The following FAT3 variants were observed in gnomAD, a reference collection of about 807,000 sequenced individuals.
FAT3 encodes FAT atypical cadherin 3.
In FAT3, 95 loss-of-function variants were observed where a neutral mutation model predicts 310.2. The ratio of observed to expected loss-of-function variants is 0.31; its 90% CI spans 0.26 to 0.36. The LOEUF (loss-of-function observed/expected upper bound fraction) is 0.36, where lower values mean the gene tolerates loss of function less well. FAT3 is among the 10% of genes least tolerant of loss of function. The pLI, the probability that FAT3 is intolerant of heterozygous loss-of-function variation, is 1.00. For synonymous variants in FAT3, 2,314 were observed against 2,192.9 expected (o/e 1.06, Z -1.54); for missense variants, 5,408 against 5,715.6 (o/e 0.95, Z 1.74).
At chr11:92,596,980 A>G (rs964862370) in intron 3 of FAT3, among the ~76,000 whole-genome samples, 12 of 151,930 alleles carry the variant, frequency 7.9e-5, no homozygotes, top group East Asian at 1.9e-4. Context: ...CCCTTTCATC[A>G]TCTCCACAGA....
At chr11:92,768,570 C>T (rs371648044) in intron 6 of FAT3, among the ~76,000 whole-genome samples, 2 of 152,156 alleles carry the variant, frequency 1.3e-5, no homozygotes, top group Admixed American at 6.5e-5. Flanking sequence ...GTTTTAGTCT[C>T]GCTCTCAAGA....
intron 4 of FAT3, among the ~76,000 whole-genome samples, chr11:92,702,499 C>T (rs1198156262): frequency 6.6e-6 from 1 of 152,142 alleles, no homozygotes; most frequent in Non-Finnish European, 1.5e-5. Context: ...AAACTTGCCT[C>T]ACAGATAAAC....
At chr11:92,364,924 A>G (rs1208468690) in intron 2 of FAT3, among the ~76,000 whole-genome samples, 2 of 152,200 alleles carry the variant, frequency 1.3e-5, no homozygotes, top group African/African-American at 4.8e-5. Flanking sequence ...AACAGATTGA[A>G]TATGAAATGT....
intron 1 of FAT3, among the ~76,000 whole-genome samples, chr11:92,237,949 C>T (rs1425535458): frequency 6.6e-6 from 1 of 152,050 alleles, no homozygotes; most frequent in Non-Finnish European, 1.5e-5. Context: ...CTTTATCATA[C>T]TCTTTGCATA....
chr11:92,450,437 A>G (rs1203424935), intron 2 of FAT3, among the ~76,000 whole-genome samples: 1 of 152,060 alleles, frequency 6.6e-6, no homozygotes, highest in Non-Finnish European at 1.5e-5. Flanking sequence ...GATTCCCATT[A>G]GGAGGCTTCT....
At position 92,801,734 on chromosome 11, in the gene FAT3, G is replaced by A. The variant is rs376453680; in HGVS notation, c.8721G>A (p.Thr2907=). The change falls in exon 10 of 28, where the codon ACG becomes ACA. Residue 2907 remains threonine, a synonymous_variant. Transcript: ENST00000525166. The part of the protein sequence containing the change: ...DLGEAFSLSS[T]ALVSVRVTDI... ...GAGAGGCATTCTCTCTTTCCTCCAC[G>A]GCCTTGGTCTCTGTCAGAGTGACAG... 6.7e-5 allele frequency: 108 copies of A among 1,613,734 alleles called. No homozygotes were observed. Among genetic ancestry groups the A allele is most frequent in the African/African-American group, 4.4e-4 (33 of 74,872 alleles).
intron 4 of FAT3, among the ~76,000 whole-genome samples, chr11:92,702,675 T>C (rs1256948403): frequency 1.3e-5 from 2 of 152,208 alleles, no homozygotes; most frequent in African/African-American, 4.8e-5. Flanking sequence ...ACTTCGATTA[T>C]TCTTGAAAGA....
At chr11:92,306,618 T>TA (rs1947131588) in intron 1 of FAT3, among the ~76,000 whole-genome samples, 1 of 124,790 alleles carries the variant, frequency 8.0e-6, no homozygotes, top group African/African-American at 3.0e-5. Flanking sequence ...ATATTATATA[T>TA]TTATATTATA....
At chr11:92,614,426 T>C (rs1940707219) in intron 3 of FAT3, among the ~76,000 whole-genome samples, 1 of 152,238 alleles carries the variant, frequency 6.6e-6, no homozygotes, top group Non-Finnish European at 1.5e-5. Context: ...TCTGTTTATT[T>C]TGATTCTAGC....
At position 92,883,396 on chromosome 11, in the gene FAT3, G is replaced by A. The variant is rs2136419044; in HGVS notation, c.12937+3G>A. On this transcript the variant is annotated splice_donor_region_variant and intron_variant, in intron 24 of 27. Transcript: ENST00000525166. This position sits in a 1 kb window ranked among gnomAD's most constrained non-coding sequence, Gnocchi z 4.2. Reference sequence around the variant, plus strand: ...TGGCTGGGACGCGGGAACTGAGAGTGAGTAGGAAGTGGTAATGCTCACCCC... The same window carrying A: ...TGGCTGGGACGCGGGAACTGAGAGTAAGTAGGAAGTGGTAATGCTCACCCC... 1 of 1,594,866 alleles carries A rather than the reference G, an allele frequency of 6.3e-7. No individual in the cohort carries two copies. Among genetic ancestry groups the A allele is most frequent in the Non-Finnish European group, 8.6e-7 (1 of 1,169,166 alleles).
intron 4 of FAT3, among the ~76,000 whole-genome samples, chr11:92,758,765 A>G (rs6483186): frequency 0.79 from 120,582 of 152,090 alleles, 48,069 homozygotes; most frequent in Admixed American, 0.83. Context: ...GGGCAGTGTG[A>G]CAGAAGAGTT....
intron 2 of FAT3, among the ~76,000 whole-genome samples, chr11:92,415,849 C>CT (rs1196695394): frequency 0.13 from 8,869 of 70,250 alleles, 874 homozygotes; most frequent in African/African-American, 0.21. Context: ...AGCATTTTTG[C>CT]TTTTTTTTTT....
At chr11:92,548,103 A>G (rs1954675133) in intron 3 of FAT3, among the ~76,000 whole-genome samples, 1 of 152,172 alleles carries the variant, frequency 6.6e-6, no homozygotes, top group Non-Finnish European at 1.5e-5. Context: ...GTATACGCAG[A>G]ACGATCCTGT....
intron 2 of FAT3, among the ~76,000 whole-genome samples, chr11:92,473,420 C>T (rs1951963743): frequency 6.6e-6 from 1 of 152,132 alleles, no homozygotes. Context: ...TTTAGCATTT[C>T]ATCTTTTTTC....
intron 3 of FAT3, among the ~76,000 whole-genome samples, chr11:92,693,149 A>T (rs1285667830): frequency 6.6e-6 from 1 of 152,130 alleles, no homozygotes; most frequent in Non-Finnish European, 1.5e-5. Flanking sequence ...TTCCAGCCAT[A>T]TGTCTCCCCC....
rs759897387 is a variant in FAT3 at position 92,801,092 on chromosome 11, T to G, written c.8079T>G (p.Pro2693=). The G allele has an allele frequency of 5.6e-6, 9 of 1,613,876 alleles. No homozygotes were observed. The highest frequency in any genetic ancestry group is 7.6e-6 in the Non-Finnish European group (9 of 1,179,886). Residue 2693 remains proline (P), a synonymous_variant, in exon 10 of 28, where the codon CCT becomes CCG. Coordinates refer to ENST00000525166, the MANE Select transcript of FAT3 (RefSeq NM_001367949.2). Reference sequence around the variant, plus strand: ...TCCCAGTAAAGCACTCCCTCATTCCTGTCTATATCCACGTCTTGCCCCCTG... The same window carrying G: ...TCCCAGTAAAGCACTCCCTCATTCCGGTCTATATCCACGTCTTGCCCCCTG... The part of the protein sequence containing the change: ...GGIPVKHSLI[P]VYIHVLPPET...
At chr11:92,829,535 G>A (rs1396443918) in intron 13 of FAT3, among the ~76,000 whole-genome samples, 1 of 152,128 alleles carries the variant, frequency 6.6e-6, no homozygotes, top group Non-Finnish European at 1.5e-5. Context: ...TGTTTTCCAG[G>A]TGCAAGCTTG....
chr11:92,420,916 A>G (rs983094980), intron 2 of FAT3, among the ~76,000 whole-genome samples: 3 of 152,226 alleles, frequency 2.0e-5, no homozygotes, highest in African/African-American at 4.8e-5. Context: ...ATGCTCAGTC[A>G]TAATGATGAT....
At chr11:92,381,506 C>A (rs1949495110) in intron 2 of FAT3, among the ~76,000 whole-genome samples, 1 of 152,100 alleles carries the variant, frequency 6.6e-6, no homozygotes, top group Non-Finnish European at 1.5e-5. Context: ...AGAGTGAAAT[C>A]TTTTTTCACC....
Sources: allele counts gnomAD v4.1 joint callset (sites outside exome capture counted in the v4.1 genomes callset), GRCh38; gene constraint gnomAD v4.1.1; non-coding constraint Gnocchi (gnomAD v3.1); transcripts MANE v1.5; gene names NCBI Gene and HGNC (gene_info 2026-07-23, HGNC 2026-07-21).